The following PTPRD variants were observed in gnomAD, a reference collection of about 807,000 sequenced individuals.
PTPRD encodes the protein protein tyrosine phosphatase receptor type D, also known as receptor-type tyrosine-protein phosphatase delta.
PTPRD carries 34 observed loss-of-function variants against 214.5 expected under a neutral mutation model. The ratio of observed to expected loss-of-function variants is 0.16; its 90% CI spans 0.12 to 0.21. PTPRD has a LOEUF of 0.21. Ranked by LOEUF, PTPRD falls within the 10% of genes least tolerant of loss-of-function variation. The probability of loss-of-function intolerance (pLI) is 1.00; values close to 1 mark genes in which losing one functional copy is unlikely to be tolerated. For synonymous variants in PTPRD, 1,128 were observed against 845.7 expected, an observed-to-expected ratio of 1.33 and a Z score of -5.79; for missense variants, 2,545 against 2,398.7, an observed-to-expected ratio of 1.06 and a Z score of -1.27.
chr9:10,213,879 T>C (rs958428062), intron 3 of PTPRD, among the ~76,000 whole-genome samples: 1 of 152,108 alleles, frequency 6.6e-6, no homozygotes, highest in Admixed American at 6.6e-5. Flanking sequence ...ACTGAGATTA[T>C]ACAAGCTTCA....
chr9:9,225,384 C>A (rs879416526), intron 9 of PTPRD, among the ~76,000 whole-genome samples: 1 of 151,914 alleles, frequency 6.6e-6, no homozygotes. Flanking sequence ...GACCAACCAT[C>A]GTAAGAAATA....
At chr9:8,637,477 G>A (rs1283703669) in intron 12 of PTPRD, among the ~76,000 whole-genome samples, 1 of 152,174 alleles carries the variant, frequency 6.6e-6, no homozygotes, top group African/African-American at 2.4e-5. Flanking sequence ...CAAAGTCATA[G>A]TAAAGCAAAG....
At chr9:8,862,370 AAGC>A (rs1325459412) in intron 11 of PTPRD, 8 of 152,242 alleles carry the variant, frequency 5.3e-5, no homozygotes, top group African/African-American at 1.7e-4. Flanking sequence ...ATAAATTAAA[AAGC>A]AGCCAGACAA....
At chr9:8,418,020 T>G (rs1034050770) in intron 35 of PTPRD, among the ~76,000 whole-genome samples, 1 of 152,164 alleles carries the variant, frequency 6.6e-6, no homozygotes, top group Non-Finnish European at 1.5e-5. Flanking sequence ...TTTAATGTTC[T>G]TTAAAGTCAG....
chr9:9,717,118 C>T (rs1014308493), intron 7 of PTPRD, among the ~76,000 whole-genome samples: 1 of 151,954 alleles, frequency 6.6e-6, no homozygotes, highest in African/African-American at 2.4e-5. Context: ...ATCCTTTCCC[C>T]ATTGCTTGTT....
intron 11 of PTPRD, among the ~76,000 whole-genome samples, chr9:8,787,729 T>A (rs2096050608): frequency 6.6e-6 from 1 of 151,570 alleles, no homozygotes; most frequent in African/African-American, 2.4e-5. Context: ...AGGAGAGAGG[T>A]CCCTATTAGG....
chr9:9,187,835 GT>G (rs2099932608), intron 9 of PTPRD, among the ~76,000 whole-genome samples: 1 of 151,692 alleles, frequency 6.6e-6, no homozygotes, highest in Non-Finnish European at 1.5e-5. Flanking sequence ...ATGTATGTGT[GT>G]TTCCATGTGA....
At chr9:8,823,242 C>T (rs775431469) in intron 11 of PTPRD, among the ~76,000 whole-genome samples, 1 of 152,082 alleles carries the variant, frequency 6.6e-6, no homozygotes, top group African/African-American at 2.4e-5. Flanking sequence ...GTTCAGTGTT[C>T]CACTGAACCC....
intron 4 of PTPRD, among the ~76,000 whole-genome samples, chr9:9,995,778 T>C (rs1267072161): frequency 6.6e-6 from 1 of 152,210 alleles, no homozygotes; most frequent in Admixed American, 6.5e-5. Context: ...TTGCTATTTA[T>C]TTGATACTTT....
chr9:10,111,571 G>C (rs991242266), intron 3 of PTPRD, among the ~76,000 whole-genome samples: 17 of 152,076 alleles, frequency 1.1e-4, no homozygotes, highest in Admixed American at 9.8e-4. Context: ...AGAAGGTTCA[G>C]TTGTATTATT....
intron 11 of PTPRD, among the ~76,000 whole-genome samples, chr9:8,785,087 T>A (rs995972206): frequency 2.6e-5 from 4 of 152,126 alleles, no homozygotes; most frequent in African/African-American, 9.7e-5. Flanking sequence ...GGGCTCCTTA[T>A]GAAGCTGTTC....
intron 14 of PTPRD, among the ~76,000 whole-genome samples, chr9:8,553,570 G>A (rs928979002): frequency 2.0e-5 from 3 of 152,060 alleles, no homozygotes; most frequent in African/African-American, 4.8e-5. Context: ...TAATAAATAC[G>A]AAAGCTATAG....
intron 23 of PTPRD, among the ~76,000 whole-genome samples, chr9:8,502,757 A>G (rs888966242): frequency 6.6e-6 from 1 of 151,892 alleles, no homozygotes; most frequent in African/African-American, 2.4e-5. Context: ...AATATATTCA[A>G]CACCATTTGA....
At chr9:10,439,701 G>A (rs2098746653) in intron 2 of PTPRD, among the ~76,000 whole-genome samples, 1 of 151,752 alleles carries the variant, frequency 6.6e-6, no homozygotes, top group Admixed American at 6.6e-5. Flanking sequence ...GACACAGACT[G>A]TTTGGAATTT....
intron 34 of PTPRD, among the ~76,000 whole-genome samples, chr9:8,439,674 T>G (rs1247399861): frequency 6.6e-6 from 1 of 152,108 alleles, no homozygotes; most frequent in Non-Finnish European, 1.5e-5. Context: ...CAGAAAACAA[T>G]GACCAAGGAT....
chr9:8,940,287 T>TTTTTTG (rs1292274524), intron 11 of PTPRD, among the ~76,000 whole-genome samples: 1 of 125,434 alleles, frequency 8.0e-6, no homozygotes. Flanking sequence ...CTCCTTTTTT[T>TTTTTTG]TTTTTTTTTT....
intron 6 of PTPRD, among the ~76,000 whole-genome samples, chr9:9,743,229 G>A (rs975503441): frequency 6.6e-6 from 1 of 152,080 alleles, no homozygotes; most frequent in African/African-American, 2.4e-5. Flanking sequence ...AAAGTCACAT[G>A]CCAAATGCAT....
intron 3 of PTPRD, among the ~76,000 whole-genome samples, chr9:10,211,795 G>A (rs1477305929): frequency 6.6e-6 from 1 of 152,084 alleles, no homozygotes; most frequent in Non-Finnish European, 1.5e-5. Context: ...TGGGAAATCG[G>A]AAGAGTAAGA....
chr9:9,281,838 A>AT (rs1020182484), intron 9 of PTPRD, among the ~76,000 whole-genome samples: 1 of 151,126 alleles, frequency 6.6e-6, no homozygotes, highest in Admixed American at 6.6e-5. Context: ...CAAAAAAAAA[A>AT]CTTGAAAGCA....
Sources: allele counts gnomAD v4.1 joint callset (sites outside exome capture counted in the v4.1 genomes callset), GRCh38; gene constraint gnomAD v4.1.1; transcripts MANE v1.5; gene names NCBI Gene and HGNC (gene_info 2026-07-23, HGNC 2026-07-21).